TMEM135: variants seen among roughly 807,000 people sequenced by gnomAD.
The protein encoded by TMEM135 is peroxisomal membrane protein 52.
TMEM135 carries 30 observed loss-of-function variants against 60.3 expected under a neutral mutation model. The observed-to-expected ratio is 0.50, with a 90% CI of 0.37 to 0.68. The LOEUF (loss-of-function observed/expected upper bound fraction) is 0.68, where lower values mean the gene tolerates loss of function less well. Among genes scored for constraint, TMEM135 ranks in the 30% least tolerant of loss-of-function variants. The probability of loss-of-function intolerance (pLI) is 0.00; values close to 1 mark genes in which losing one functional copy is unlikely to be tolerated. For missense variants in TMEM135, 468 were observed against 548.8 expected, an observed-to-expected ratio of 0.85 and a Z score of 1.47; for synonymous variants, 190 against 186.7, an observed-to-expected ratio of 1.02 and a Z score of -0.14.
chr11:87,099,169 G>C (rs61904181), intron 4 of TMEM135, among the ~76,000 whole-genome samples: 7 of 151,938 alleles, frequency 4.6e-5, no homozygotes, highest in Admixed American at 4.6e-4. Context: ...AATACTGTGC[G>C]TATTCATACA....
At chr11:87,102,714 G>GTATATA (rs112067779) in intron 4 of TMEM135, among the ~76,000 whole-genome samples, 2 of 97,880 alleles carry the variant, frequency 2.0e-5, no homozygotes, top group Admixed American at 2.5e-4. Flanking sequence ...GTATATATAT[G>GTATATA]TATATATATA....
At chr11:87,110,768 G>GAA (rs1200129989) in intron 4 of TMEM135, among the ~76,000 whole-genome samples, 11 of 151,498 alleles carry the variant, frequency 7.3e-5, no homozygotes, top group Admixed American at 2.0e-4. Context: ...ATGTGTGTGT[G>GAA]TGTATGTGTG....
chr11:87,161,072 G>GT (rs1555112232), intron 5 of TMEM135, among the ~76,000 whole-genome samples: 7 of 151,962 alleles, frequency 4.6e-5, no homozygotes, highest in African/African-American at 1.5e-4. Flanking sequence ...ACTAATTTTT[G>GT]TTTTTTTAGT....
intron 5 of TMEM135, among the ~76,000 whole-genome samples, chr11:87,174,557 G>A (rs947561961): frequency 6.6e-6 from 1 of 152,100 alleles, no homozygotes; most frequent in African/African-American, 2.4e-5. Context: ...AGCATGTGGG[G>A]AGAATGGATA....
chr11:87,072,644 G>A (rs1856792824), intron 3 of TMEM135, among the ~76,000 whole-genome samples: 1 of 152,122 alleles, frequency 6.6e-6, no homozygotes, highest in East Asian at 1.9e-4. Flanking sequence ...GCCTCCCAAA[G>A]TGCTAGTATT....
intron 5 of TMEM135, among the ~76,000 whole-genome samples, chr11:87,166,010 G>C (rs906675800): frequency 1.3e-5 from 2 of 150,740 alleles, no homozygotes; most frequent in African/African-American, 4.9e-5. Context: ...TAAATTCCTT[G>C]ACACATACAC....
chr11:87,179,184 A>C (rs569694066), intron 5 of TMEM135, among the ~76,000 whole-genome samples: 3 of 152,040 alleles, frequency 2.0e-5, no homozygotes, highest in African/African-American at 7.3e-5. Flanking sequence ...TGAAATGTCT[A>C]TTAAATTTTC....
intron 5 of TMEM135, among the ~76,000 whole-genome samples, chr11:87,227,615 T>C (rs2135363534): frequency 6.6e-6 from 1 of 152,286 alleles, no homozygotes; most frequent in East Asian, 1.9e-4. Flanking sequence ...TTTAAAAAAT[T>C]TGTTATATGA....
At chr11:87,180,885 C>T (rs1215844058) in intron 5 of TMEM135, among the ~76,000 whole-genome samples, 1 of 152,162 alleles carries the variant, frequency 6.6e-6, no homozygotes, top group Non-Finnish European at 1.5e-5. Context: ...TTCAAAGTCT[C>T]CCTCCCCTTT....
intron 6 of TMEM135, among the ~76,000 whole-genome samples, chr11:87,250,707 TA>T (rs1251172474): frequency 6.6e-6 from 1 of 152,122 alleles, no homozygotes; most frequent in African/African-American, 2.4e-5. Context: ...AGGTTCTTTT[TA>T]AAAAAATATT....
chr11:87,295,731 C>G (rs1421974818), intron 6 of TMEM135, 51 bp from the exon 7 acceptor site: 1 of 1,481,780 alleles, frequency 6.7e-7, no homozygotes, highest in Admixed American at 1.8e-5. Flanking sequence ...TGAATAGGTA[C>G]TTGTATCTCA....
chr11:87,061,261 C>T (rs7943229), intron 1 of TMEM135, among the ~76,000 whole-genome samples: 2,541 of 152,014 alleles, frequency 0.017, 66 homozygotes, highest in East Asian at 0.061. Context: ...ACAATCTTAC[C>T]TCCTAGGAGA....
At chr11:87,187,897 T>A (rs1184716634) in intron 5 of TMEM135, among the ~76,000 whole-genome samples, 3 of 152,222 alleles carry the variant, frequency 2.0e-5, no homozygotes, top group African/African-American at 7.2e-5. Flanking sequence ...GGCTGTTTAT[T>A]TGCCAGTCTT....
intron 5 of TMEM135, 139 bp downstream of exon 5, chr11:87,157,545 A>C: frequency 4.3e-6 from 3 of 703,172 alleles, no homozygotes; most frequent in Non-Finnish European, 7.1e-6. Context: ...AGTGTACCTG[A>C]TGAACAAATC....
At chr11:87,194,488 C>T (rs979015766) in intron 5 of TMEM135, among the ~76,000 whole-genome samples, 1 of 152,054 alleles carries the variant, frequency 6.6e-6, no homozygotes, top group Admixed American at 6.6e-5. Flanking sequence ...ATAGTTTATT[C>T]TACATTTTAT....
chr11:87,119,677 G>C (rs1446165949), intron 4 of TMEM135, among the ~76,000 whole-genome samples: 1 of 152,178 alleles, frequency 6.6e-6, no homozygotes, highest in Non-Finnish European at 1.5e-5. Flanking sequence ...CTCCAGCCTG[G>C]GTGATAGAAA....
intron 6 of TMEM135, among the ~76,000 whole-genome samples, chr11:87,248,676 T>C (rs1175511447): frequency 6.6e-6 from 1 of 152,130 alleles, no homozygotes; most frequent in African/African-American, 2.4e-5. Context: ...TTTGATCAGA[T>C]TGTACTGAAT....
chr11:87,235,782 G>A (rs1039837198), intron 5 of TMEM135, among the ~76,000 whole-genome samples: 1 of 151,908 alleles, frequency 6.6e-6, no homozygotes, highest in Non-Finnish European at 1.5e-5. Context: ...TAAGACGTTA[G>A]TCAGGACTGG....
chr11:87,143,391 G>T (rs1938320318), intron 4 of TMEM135, among the ~76,000 whole-genome samples: 1 of 149,262 alleles, frequency 6.7e-6, no homozygotes. Flanking sequence ...AGCTGACCAT[G>T]GAGCACACTT....
Sources: gnomAD v4.1 joint callset for allele counts (sites outside exome capture counted in the v4.1 genomes callset) on GRCh38, gnomAD v4.1.1 for gene constraint, MANE v1.5 for transcripts, NCBI Gene and HGNC (gene_info 2026-07-23, HGNC 2026-07-21) for gene names.